Variants in RGS7 observed in about 807,000 individuals in gnomAD.
RGS7 encodes the protein regulator of G-protein signaling 7.
In RGS7, 27 loss-of-function variants were observed where a neutral mutation model predicts 81.1. The ratio of observed to expected loss-of-function variants is 0.33; its 90% CI spans 0.25 to 0.46. The LOEUF is 0.46. RGS7 is among the 20% of genes least tolerant of loss of function. The pLI is 1.00. For missense variants in RGS7, 396 were observed against 607.4 expected (o/e 0.65, Z 3.66); for synonymous variants, 208 against 207.7 (o/e 1.00, Z -0.01).
At chr1:240,862,590 T>C (rs1662416757) in intron 9 of RGS7, among the ~76,000 whole-genome samples, 2 of 152,144 alleles carry the variant, frequency 1.3e-5, no homozygotes, top group Non-Finnish European at 2.9e-5. Flanking sequence ...ATAGCAGAAC[T>C]GTGAAAGGGA....
intron 2 of RGS7, among the ~76,000 whole-genome samples, chr1:241,102,498 T>C (rs1051140744): frequency 9.2e-5 from 14 of 152,204 alleles, no homozygotes; most frequent in African/African-American, 3.1e-4. Flanking sequence ...ATAATGTTGA[T>C]TAATGACTTA....
chr1:241,261,966 A>G (rs1162607048), intron 2 of RGS7, among the ~76,000 whole-genome samples: 2 of 150,108 alleles, frequency 1.3e-5, no homozygotes, highest in African/African-American at 2.4e-5. Flanking sequence ...TGGCCCAGGA[A>G]AAACAGATTT....
chr1:240,934,382 C>T (rs183960064), intron 5 of RGS7, among the ~76,000 whole-genome samples: 148 of 152,268 alleles, frequency 9.7e-4, no homozygotes, highest in African/African-American at 3.0e-3. Context: ...AATTTCACTT[C>T]GGTGTAATAA....
intron 3 of RGS7, among the ~76,000 whole-genome samples, chr1:241,077,325 G>T: frequency 6.6e-6 from 1 of 152,156 alleles, no homozygotes; most frequent in East Asian, 1.9e-4. Context: ...TTGACCCAAA[G>T]AATAAAGAAT....
intron 2 of RGS7, among the ~76,000 whole-genome samples, chr1:241,354,816 C>T (rs1362893404): frequency 6.6e-6 from 1 of 151,980 alleles, no homozygotes; most frequent in Non-Finnish European, 1.5e-5. Context: ...GAAATATTGC[C>T]CAATAAGCAC....
chr1:241,063,081 C>G (rs1390155381), intron 3 of RGS7, among the ~76,000 whole-genome samples: 1 of 152,182 alleles, frequency 6.6e-6, no homozygotes, highest in Admixed American at 6.5e-5. Context: ...AAGTAGCAAA[C>G]AGCTTTTTGA....
rs930626872 is a variant in RGS7 at position 240,806,453 on chromosome 1, G to A, written c.1083-127C>T. On this transcript the variant is annotated intron_variant, in intron 14 of 18. Coordinates refer to ENST00000440928, the MANE Select transcript of RGS7 (RefSeq NM_001364886.1). The stretch of plus-strand genomic sequence containing the variant: ...AGCTCACTTTCTCTGAGGGCTTCCA[G>A]TATCAGGGTGGTACTGACTGTGTTC... 7 of 822,006 alleles carry A rather than the reference G, an allele frequency of 8.5e-6. No homozygotes were observed. In the Admixed American group the frequency reaches 1.2e-4, roughly 15 times the overall value. 50.9% of individuals were successfully genotyped at this position (822,006 alleles called of 1,614,324 possible).
At chr1:241,266,554 T>A (rs2077603980) in intron 2 of RGS7, among the ~76,000 whole-genome samples, 2 of 152,226 alleles carry the variant, frequency 1.3e-5, no homozygotes, top group Admixed American at 1.3e-4. Context: ...CAGTTCTTAG[T>A]CTCTATAGAA....
At chr1:241,169,686 GC>G (rs1164850995) in intron 2 of RGS7, among the ~76,000 whole-genome samples, 2 of 152,106 alleles carry the variant, frequency 1.3e-5, no homozygotes, top group East Asian at 3.9e-4. Context: ...ACAGAATATT[GC>G]TACTTTGACT....
intron 3 of RGS7, among the ~76,000 whole-genome samples, chr1:241,057,840 C>T (rs1173628467): frequency 6.6e-6 from 1 of 151,900 alleles, no homozygotes; most frequent in Non-Finnish European, 1.5e-5. Context: ...CCAGCCTGGG[C>T]GACAAAGCGA....
At chr1:241,000,642 C>G (rs1407846601) in intron 3 of RGS7, among the ~76,000 whole-genome samples, 3 of 151,224 alleles carry the variant, frequency 2.0e-5, no homozygotes, top group Non-Finnish European at 4.4e-5. Flanking sequence ...TATTTCTTTT[C>G]TTTTCTTTTC....
chr1:241,209,398 T>C (rs1045631327), intron 2 of RGS7, among the ~76,000 whole-genome samples: 1 of 152,102 alleles, frequency 6.6e-6, no homozygotes, highest in Non-Finnish European at 1.5e-5. Context: ...TGAGAATGGA[T>C]GGGGAGAATG....
At chr1:241,104,581 T>C (rs912656239) in intron 2 of RGS7, among the ~76,000 whole-genome samples, 3 of 152,266 alleles carry the variant, frequency 2.0e-5, no homozygotes, top group African/African-American at 7.2e-5. Flanking sequence ...CTTGAAGTTA[T>C]TTAGATTAAA....
intron 6 of RGS7, among the ~76,000 whole-genome samples, chr1:240,928,367 G>A (rs1011648164): frequency 2.6e-5 from 4 of 151,992 alleles, no homozygotes; most frequent in African/African-American, 4.8e-5. Context: ...ACCCTTTCAC[G>A]GAACAATGTG....
intron 2 of RGS7, among the ~76,000 whole-genome samples, chr1:241,125,427 GACAC>G (rs59757330): frequency 0.27 from 39,689 of 149,232 alleles, 6,371 homozygotes; most frequent in African/African-American, 0.46. Flanking sequence ...CAAAGACATG[GACAC>G]ACACACACAC....
At chr1:240,796,730 A>G (rs752375401) in intron 18 of RGS7, among the ~76,000 whole-genome samples, 3 of 152,128 alleles carry the variant, frequency 2.0e-5, no homozygotes, top group Non-Finnish European at 4.4e-5. Context: ...CCTAAAGATC[A>G]ACTGATTTCA....
intron 4 of RGS7, among the ~76,000 whole-genome samples, chr1:240,968,309 C>T (rs1682660666): frequency 1.3e-5 from 2 of 152,172 alleles, no homozygotes; most frequent in African/African-American, 4.8e-5. Context: ...GCTACTGATG[C>T]CTGGCAGATC....
chr1:240,933,170 C>G (rs922181153), intron 5 of RGS7, among the ~76,000 whole-genome samples: 4 of 151,812 alleles, frequency 2.6e-5, no homozygotes, highest in Non-Finnish European at 5.9e-5. Context: ...GTGTGAGCCA[C>G]CGCGCCCGGC....
chr1:241,288,658 C>A (rs189110462), intron 2 of RGS7, among the ~76,000 whole-genome samples: 87 of 152,230 alleles, frequency 5.7e-4, no homozygotes, highest in African/African-American at 2.0e-3. Flanking sequence ...GTAAGGGAGG[C>A]CACAAGGTCT....
Sources: gnomAD v4.1 joint callset for allele counts (sites outside exome capture counted in the v4.1 genomes callset) on GRCh38, gnomAD v4.1.1 for gene constraint, MANE v1.5 for transcripts, NCBI Gene and HGNC (gene_info 2026-07-23, HGNC 2026-07-21) for gene names.